The following ZKSCAN1 variants were observed in gnomAD, a reference collection of about 807,000 sequenced individuals.
ZKSCAN1 encodes the protein zinc finger with KRAB and SCAN domains 1.
ZKSCAN1 carries 14 observed loss-of-function variants against 51.6 expected under a neutral mutation model. That is an observed-to-expected ratio of 0.27 (90% confidence interval 0.18 to 0.42). The LOEUF (loss-of-function observed/expected upper bound fraction) is 0.42, where lower values mean the gene tolerates loss of function less well. Among genes scored for constraint, ZKSCAN1 ranks in the 10% least tolerant of loss-of-function variants. ZKSCAN1 has a pLI of 1.00. For synonymous variants in ZKSCAN1, 263 were observed against 261.5 expected (o/e 1.01, Z -0.06); for missense variants, 531 against 710.0 (o/e 0.75, Z 2.86).
At chr7:100,018,259 G>A (rs565411127) in intron 1 of ZKSCAN1, among the ~76,000 whole-genome samples, 9 of 152,194 alleles carry the variant, frequency 5.9e-5, no homozygotes, top group Admixed American at 6.5e-5. Flanking sequence ...AAATAGTAAC[G>A]TTGTCAATTC....
At chr7:100,045,045 A>G, downstream of ZKSCAN1, 1 of 909,598 alleles carries the variant, frequency 1.1e-6, no homozygotes, top group Non-Finnish European at 1.3e-6. Context: ...CAGAGACAAC[A>G]CTAAATGCTG....
chr7:100,035,794 G>T lies in ZKSCAN1; in HGVS notation c.*1597G>T. The T allele has an allele frequency of 1.0e-6, 1 of 968,550 alleles. No homozygotes were observed. The highest frequency in any genetic ancestry group is 1.2e-6 in the Non-Finnish European group (1 of 814,606). The allele number at this position is 968,550 out of a possible 1,614,324, so 60.0% of individuals were successfully genotyped here. Reference sequence around the variant, plus strand: ...ACTTTCATTGGTCCCATCGTTGTGCGCAGGGTGCAACTGGCTACCTAGAAG... The same window carrying T: ...ACTTTCATTGGTCCCATCGTTGTGCTCAGGGTGCAACTGGCTACCTAGAAG... On this transcript the variant is annotated 3_prime_UTR_variant, in exon 6 of 6. Transcript: ENST00000324306.
At chr7:100,019,224 T>C (rs6972742) in intron 1 of ZKSCAN1, 146,434 of 152,100 alleles carry the variant, frequency 0.96, 70,506 homozygotes, top group African/African-American at 0.98. Flanking sequence ...TTTTTCTCTT[T>C]GAGAAGGAGT....
chr7:100,032,166 CCTTT>C (rs1303483982), intron 5 of ZKSCAN1, among the ~76,000 whole-genome samples: 1 of 152,224 alleles, frequency 6.6e-6, no homozygotes, highest in African/African-American at 2.4e-5. Flanking sequence ...ATTTACTATT[CCTTT>C]CTTTCTGCTA....
At chr7:100,025,681 A>C (rs189650939) in intron 3 of ZKSCAN1, among the ~76,000 whole-genome samples, 73 of 152,312 alleles carry the variant, frequency 4.8e-4, no homozygotes, top group African/African-American at 1.5e-3. Context: ...CCTTCTCCAC[A>C]CCTACGCTAC....
rs1167524040 is a variant in ZKSCAN1, at chr7:100,023,688, G to T, written c.182G>T (p.Arg61Leu). 4 of 1,614,058 alleles carry T rather than the reference G, an allele frequency of 2.5e-6. No homozygotes were observed. Among genetic ancestry groups the T allele is most frequent in the African/African-American group, 1.3e-5 (1 of 74,916 alleles). ...DPEIFRQRFRRFCYQNTFGPR... is the reference protein window; with the variant it reads ...DPEIFRQRFRLFCYQNTFGPR... ...GAGATATTCCGCCAACGCTTCAGGC[G>T]CTTCTGTTACCAGAACACTTTTGGG... is the stretch of plus-strand genomic sequence containing the variant. Residue 61 changes from arginine to leucine, a missense_variant, in exon 2 of 6, where the codon CGC becomes CTC. Arg to Leu is a moderately radical substitution (Grantham distance 102, BLOSUM62 -2). This residue lies in a region of ZKSCAN1 where 403 missense variants were observed against 490.5 expected (regional missense o/e 0.82). Transcript: ENST00000324306.
In ZKSCAN1 at chr7:100,023,400, CTT is replaced by C; in HGVS notation, c.-88-11_-88-10del. On this transcript the variant is annotated splice_polypyrimidine_tract_variant and intron_variant, in intron 1 of 5. Coordinates refer to ENST00000324306, the MANE Select transcript of ZKSCAN1 (RefSeq NM_003439.4). Reference sequence around the variant, plus strand: ...TTTTTGTAAAGGTACGTACTAATGACTTTTTTTTTATACTTCAGGAATAGTAA... The same window carrying C: ...TTTTTGTAAAGGTACGTACTAATGACTTTTTTTATACTTCAGGAATAGTAA... 7.6e-7 allele frequency: 1 copy of C among 1,307,468 alleles called. No individual in the cohort carries two copies. Among genetic ancestry groups the C allele is most frequent in the South Asian group, 1.5e-5 (1 of 68,492 alleles). The allele number at this position is 1,307,468 out of a possible 1,614,324, so 81.0% of individuals were successfully genotyped here. A position where few individuals can be genotyped will look rare whatever the true frequency, so the allele number is the denominator to read the frequency against.
chr7:100,041,112 G>A lies in ZKSCAN1; in HGVS notation c.*6915G>A, dbSNP rs1791575651. On this transcript the variant is annotated 3_prime_UTR_variant, in exon 6 of 6. Transcript: ENST00000324306. Reference sequence around the variant, plus strand: ...AAATCTATATAGAGGGCTAACTCAGGCATTGTCTTGTTTATTTGTAGACTG... The same window carrying A: ...AAATCTATATAGAGGGCTAACTCAGACATTGTCTTGTTTATTTGTAGACTG... 1 of 845,552 alleles carries A rather than the reference G, an allele frequency of 1.2e-6. No individual in the cohort carries two copies. The highest frequency in any genetic ancestry group is 6.2e-5 in the Admixed American group (1 of 16,062). 52.4% of individuals were successfully genotyped at this position (845,552 alleles called of 1,614,324 possible). A position where few individuals can be genotyped will look rare whatever the true frequency, so the allele number is the denominator to read the frequency against.
rs1473051684 is a variant in ZKSCAN1 at position 100,038,305 on chromosome 7, A to T, written c.*4108A>T. The T allele has an allele frequency of 7.1e-6, 7 of 985,370 alleles. No individual in the cohort carries two copies. The highest frequency in any genetic ancestry group is 8.4e-6 in the Non-Finnish European group (7 of 829,954). 61.0% of individuals were successfully genotyped at this position (985,370 alleles called of 1,614,324 possible). On this transcript the variant is annotated 3_prime_UTR_variant, in exon 6 of 6. Transcript: ENST00000324306. The stretch of plus-strand genomic sequence containing the variant: ...CTCAGAAAAAGTGAAGTTTCAGAGC[A>T]AACAGTGAAGAAATCAGTGTGATTG...
In ZKSCAN1 at chr7:100,015,633, C is replaced by T. The variant is rs1212180027; in HGVS notation, c.-182C>T. On this transcript the variant is annotated 5_prime_UTR_variant, in exon 1 of 6. Coordinates refer to ENST00000324306, the MANE Select transcript of ZKSCAN1 (RefSeq NM_003439.4). The stretch of plus-strand genomic sequence containing the variant: ...GTCTGTGTCGAGGCGTCGGGAGGGC[C>T]TAAGTCCGTGTGCGGTGCCCTTCGG... The T allele has an allele frequency of 2.6e-5, 4 of 152,288 alleles. No homozygotes were observed. Among genetic ancestry groups the T allele is most frequent in the Non-Finnish European group, 2.9e-5 (2 of 68,098 alleles). 9.4% of individuals were successfully genotyped at this position (152,288 alleles called of 1,614,324 possible).
rs1462119896 is a variant in ZKSCAN1, at chr7:100,016,187, A to G, written c.-89+461A>G. On this transcript the variant is annotated intron_variant, in intron 1 of 5. Coordinates refer to ENST00000324306, the MANE Select transcript of ZKSCAN1 (RefSeq NM_003439.4). The stretch of plus-strand genomic sequence containing the variant: ...GGTGAAATGAGCGGAAGGATGAGAG[A>G]TGGACACATTTTGAGGTGCCGCATA... Among the ~76,000 whole-genome samples, 5 of 152,216 alleles carry G rather than the reference A, an allele frequency of 3.3e-5. No individual in the cohort carries two copies. In the East Asian group the frequency reaches 9.7e-4, roughly 29 times the overall value.
Position 100,036,454 on chromosome 7 carries a change from C to T in ZKSCAN1, c.*2257C>T, listed in dbSNP as rs748422607. On this transcript the variant is annotated 3_prime_UTR_variant, in exon 6 of 6. Coordinates refer to ENST00000324306, the MANE Select transcript of ZKSCAN1 (RefSeq NM_003439.4). ...AACTGAGGCCAGGTGCGGTGGCTCA[C>T]GCCTGTAATCCCAGCACTTTGGGAG... 4.1e-6 allele frequency: 4 copies of T among 985,374 alleles called. No homozygotes were observed. In the South Asian group the frequency reaches 1.4e-4, roughly 35 times the overall value. 61.0% of individuals were successfully genotyped at this position (985,374 alleles called of 1,614,324 possible). A position where few individuals can be genotyped will look rare whatever the true frequency, so the allele number is the denominator to read the frequency against.
Position 100,038,822 on chromosome 7 carries a change from C to G in ZKSCAN1, c.*4625C>G. The G allele has an allele frequency of 1.3e-6, 1 of 744,398 alleles. No individual in the cohort carries two copies. Among genetic ancestry groups the G allele is most frequent in the Middle Eastern group, 6.9e-4 (1 of 1,450 alleles). 46.1% of individuals were successfully genotyped at this position (744,398 alleles called of 1,614,324 possible). ...CATCCTGGCTAACATGGCGAAACCC[C>G]GTCTCTACTAAAAATACAAAAAAAT... On this transcript the variant is annotated 3_prime_UTR_variant, in exon 6 of 6. Coordinates refer to ENST00000324306, the MANE Select transcript of ZKSCAN1 (RefSeq NM_003439.4).
Position 100,038,229 on chromosome 7 carries a change from C to T in ZKSCAN1, c.*4032C>T. The T allele has an allele frequency of 1.0e-6, 1 of 985,356 alleles. No individual in the cohort carries two copies. Among genetic ancestry groups the T allele is most frequent in the Non-Finnish European group, 1.2e-6 (1 of 829,920 alleles). 61.0% of individuals were successfully genotyped at this position (985,356 alleles called of 1,614,324 possible). ...TCCCTTGTTATTGTTCCGTATATTA[C>T]CTGTAAGCAGATACTGTATTTTATT... is the stretch of plus-strand genomic sequence containing the variant. On this transcript the variant is annotated 3_prime_UTR_variant, in exon 6 of 6. Coordinates refer to ENST00000324306, the MANE Select transcript of ZKSCAN1 (RefSeq NM_003439.4).
intron 5 of ZKSCAN1, among the ~76,000 whole-genome samples, chr7:100,031,273 A>ATTTTTT (rs60390216): frequency 1.3e-4 from 12 of 89,504 alleles, no homozygotes; most frequent in Non-Finnish European, 2.2e-4. Flanking sequence ...GTACTAGATG[A>ATTTTTT]TTTTTTTTTT....
chr7:100,034,384 A>G lies in ZKSCAN1; in HGVS notation c.*187A>G, dbSNP rs1340514539. ...TAGTAGTTGGGCATATAATCCTTCCACACAGCCCCTGCAGGGAAAGGCTAA... is the reference window on the plus strand; with the variant it reads ...TAGTAGTTGGGCATATAATCCTTCCGCACAGCCCCTGCAGGGAAAGGCTAA... On this transcript the variant is annotated 3_prime_UTR_variant, in exon 6 of 6. Coordinates refer to ENST00000324306, the MANE Select transcript of ZKSCAN1 (RefSeq NM_003439.4). The G allele has an allele frequency of 2.2e-6, 3 of 1,338,774 alleles. No individual in the cohort carries two copies. Among genetic ancestry groups the G allele is most frequent in the East Asian group, 5.5e-5 (2 of 36,256 alleles). 82.9% of individuals were successfully genotyped at this position (1,338,774 alleles called of 1,614,324 possible). A position where few individuals can be genotyped will look rare whatever the true frequency, so the allele number is the denominator to read the frequency against.
At chr7:100,016,630 A>C (rs1584322642) in intron 1 of ZKSCAN1, among the ~76,000 whole-genome samples, 1 of 152,314 alleles carries the variant, frequency 6.6e-6, no homozygotes, top group South Asian at 2.1e-4. Flanking sequence ...AATTAACTAC[A>C]GTTTAGCTTG....
chr7:100,032,498 T>C (rs1791152133), intron 5 of ZKSCAN1, among the ~76,000 whole-genome samples: 1 of 152,232 alleles, frequency 6.6e-6, no homozygotes, highest in Admixed American at 6.5e-5. Context: ...GTTCCAAAAC[T>C]AGGACAACAG....
At position 100,041,213 on chromosome 7, in the gene ZKSCAN1, G is replaced by A. The variant is rs1584359057; in HGVS notation, c.*7016G>A. The A allele has an allele frequency of 6.5e-6, 5 of 769,338 alleles. No individual in the cohort carries two copies. The highest frequency in any genetic ancestry group is 6.3e-5 in the Admixed American group (1 of 15,988). The allele number at this position is 769,338 out of a possible 1,614,324, so 47.7% of individuals were successfully genotyped here. On this transcript the variant is annotated 3_prime_UTR_variant, in exon 6 of 6. Coordinates refer to ENST00000324306, the MANE Select transcript of ZKSCAN1 (RefSeq NM_003439.4). ...AATAAATTAGACCAAAAGAAGAAAC[G>A]TGCTTGTCTCTGTATACCCGCAGAA...
Sources: allele counts gnomAD v4.1 joint callset (sites outside exome capture counted in the v4.1 genomes callset), GRCh38; gene constraint gnomAD v4.1.1; regional missense constraint gnomAD v4.1.1; transcripts MANE v1.5; gene names NCBI Gene and HGNC (gene_info 2026-07-23, HGNC 2026-07-21).